The following UNC5D variants were observed in gnomAD, a reference collection of about 807,000 sequenced individuals.
UNC5D encodes unc-5 netrin receptor D.
UNC5D carries 39 observed loss-of-function variants against 105.4 expected under a neutral mutation model. The observed-to-expected ratio is 0.37, with a 90% CI of 0.29 to 0.48. The LOEUF (loss-of-function observed/expected upper bound fraction) is 0.48. Among genes scored for constraint, UNC5D ranks in the 20% least tolerant of loss-of-function variants. The pLI is 0.98. For synonymous variants in UNC5D, 452 were observed against 450.4 expected (o/e 1.00, Z -0.04); for missense variants, 991 against 1,202.4 (o/e 0.82, Z 2.60).
rs142132958 is a variant in UNC5D at position 35,591,738 on chromosome 8, T to C, written c.467-3816T>C. Reference sequence around the variant, plus strand: ...ACCTGCCCTGTATCAGATATTACAATAGGCACTGGGAATAGAGGAGTGAAA... The same window carrying C: ...ACCTGCCCTGTATCAGATATTACAACAGGCACTGGGAATAGAGGAGTGAAA... On this transcript the variant is annotated intron_variant, in intron 3 of 16. Coordinates refer to ENST00000404895, the MANE Select transcript of UNC5D (RefSeq NM_080872.4). Among the ~76,000 whole-genome samples, 571 of 152,260 alleles carry C rather than the reference T, an allele frequency of 3.8e-3. 4 individuals are homozygous for C. Among genetic ancestry groups the C allele is most frequent in the African/African-American group, 0.012 (484 of 41,558 alleles).
rs191685865 is a variant in UNC5D, at chr8:35,309,338, G to T, written c.103+73451G>T. On this transcript the variant is annotated intron_variant, in intron 1 of 16. Transcript: ENST00000404895. ...TTGCAGGTGCAACACTGAGGTACAGGAGAGTTAAGCCCCGCATTAGTTGCC... is the reference window on the plus strand; with the variant it reads ...TTGCAGGTGCAACACTGAGGTACAGTAGAGTTAAGCCCCGCATTAGTTGCC... 2.6e-5 allele frequency among the ~76,000 whole-genome samples: 4 copies of T among 152,240 alleles called. No homozygotes were observed. The East Asian group carries it at 7.7e-4, about 29-fold the overall frequency.
At chr8:35,440,297 A>T (rs1406526351) in intron 1 of UNC5D, among the ~76,000 whole-genome samples, 1 of 151,938 alleles carries the variant, frequency 6.6e-6, no homozygotes, top group Non-Finnish European at 1.5e-5. Flanking sequence ...TATCATGGGG[A>T]CACATCACAG....
At chr8:35,480,829 T>C (rs2129970865) in intron 1 of UNC5D, among the ~76,000 whole-genome samples, 1 of 152,312 alleles carries the variant, frequency 6.6e-6, no homozygotes, top group East Asian at 1.9e-4. Flanking sequence ...TTGGTCTGAT[T>C]ACCACAATGA....
At chr8:35,374,526 G>A (rs1802588713) in intron 1 of UNC5D, among the ~76,000 whole-genome samples, 1 of 152,204 alleles carries the variant, frequency 6.6e-6, no homozygotes, top group South Asian at 2.1e-4. Flanking sequence ...TCACAGGAAT[G>A]AGACTAGACC....
intron 4 of UNC5D, among the ~76,000 whole-genome samples, chr8:35,670,841 C>A (rs1221667392): frequency 6.6e-6 from 1 of 152,084 alleles, no homozygotes; most frequent in African/African-American, 2.4e-5. Flanking sequence ...CAAAGCTGCA[C>A]ATTCTGCACA....
chr8:35,391,504 C>T (rs993711251), intron 1 of UNC5D, among the ~76,000 whole-genome samples: 1 of 152,146 alleles, frequency 6.6e-6, no homozygotes, highest in African/African-American at 2.4e-5. Flanking sequence ...GTAGTCTATT[C>T]TGGGTCCATG....
chr8:35,351,303 A>T (rs926226951), intron 1 of UNC5D, among the ~76,000 whole-genome samples: 3 of 152,010 alleles, frequency 2.0e-5, no homozygotes, highest in African/African-American at 7.2e-5. Context: ...GACCTTTAAA[A>T]CTATTATGTA....
chr8:35,261,368 A>G (rs183376261), intron 1 of UNC5D, among the ~76,000 whole-genome samples: 1 of 152,380 alleles, frequency 6.6e-6, no homozygotes, highest in East Asian at 1.9e-4. Flanking sequence ...CCACACAAGC[A>G]TACTAATAAA....
In UNC5D at chr8:35,788,863, T is replaced by C. The variant is rs570918552; in HGVS notation, c.2658-1496T>C. 3.2e-4 allele frequency among the ~76,000 whole-genome samples: 49 copies of C among 151,974 alleles called. 2 individuals carry two copies. The South Asian group carries it at 1.0e-2, about 31-fold the overall frequency. On this transcript the variant is annotated intron_variant, in intron 16 of 16. Coordinates refer to ENST00000404895, the MANE Select transcript of UNC5D (RefSeq NM_080872.4). ...CAAACACCACTGGGATTTCGAACCA[T>C]TGAGACACACACAAAAAACTGAACC...
intron 1 of UNC5D, among the ~76,000 whole-genome samples, chr8:35,547,068 T>A (rs1461166967): frequency 6.8e-6 from 1 of 147,502 alleles, no homozygotes; most frequent in African/African-American, 2.5e-5. Context: ...ATGTATTTAA[T>A]GGGAAAAAAA....
At chr8:35,576,286 A>T (rs1818082488) in intron 3 of UNC5D, among the ~76,000 whole-genome samples, 1 of 152,218 alleles carries the variant, frequency 6.6e-6, no homozygotes, top group Non-Finnish European at 1.5e-5. Flanking sequence ...ATCATTTCAA[A>T]TATGCAGTTG....
intron 2 of UNC5D, among the ~76,000 whole-genome samples, chr8:35,565,053 A>G (rs766762178): frequency 2.6e-4 from 39 of 152,198 alleles, no homozygotes; most frequent in Non-Finnish European, 5.3e-4. Flanking sequence ...CAATAAACAT[A>G]CAAATTCAGG....
At chr8:35,698,878 G>C (rs1826980353) in intron 7 of UNC5D, among the ~76,000 whole-genome samples, 1 of 152,042 alleles carries the variant, frequency 6.6e-6, no homozygotes, top group South Asian at 2.1e-4. Flanking sequence ...TGGACTTTTT[G>C]TTCCATTTTG....
At chr8:35,434,142 A>C (rs1806841023) in intron 1 of UNC5D, among the ~76,000 whole-genome samples, 1 of 152,102 alleles carries the variant, frequency 6.6e-6, no homozygotes, top group Non-Finnish European at 1.5e-5. Context: ...TTTAAGCTTA[A>C]TTGAAAAACC....
intron 1 of UNC5D, among the ~76,000 whole-genome samples, chr8:35,432,703 CATCTT>C (rs1280870417): frequency 6.6e-6 from 1 of 152,066 alleles, no homozygotes; most frequent in Non-Finnish European, 1.5e-5. Flanking sequence ...AATAATAAAC[CATCTT>C]ATCTTACTTG....
intron 4 of UNC5D, among the ~76,000 whole-genome samples, chr8:35,620,483 T>C (rs1297638711): frequency 6.6e-6 from 1 of 152,142 alleles, no homozygotes; most frequent in East Asian, 1.9e-4. Context: ...CTGCGACTCA[T>C]CATGTGAAGT....
intron 6 of UNC5D, among the ~76,000 whole-genome samples, chr8:35,685,827 ATTC>A (rs1462509995): frequency 3.3e-5 from 5 of 152,088 alleles, no homozygotes; most frequent in African/African-American, 1.2e-4. Flanking sequence ...ATAGTACCCT[ATTC>A]TTGATTAATT....
At chr8:35,557,795 T>A (rs545963913) in intron 2 of UNC5D, among the ~76,000 whole-genome samples, 3 of 152,136 alleles carry the variant, frequency 2.0e-5, no homozygotes, top group African/African-American at 7.2e-5. Flanking sequence ...TCTGGTGTCA[T>A]GGCTGTTGTC....
At chr8:35,756,579 A>G (rs1161568270) in intron 13 of UNC5D, among the ~76,000 whole-genome samples, 2 of 150,792 alleles carry the variant, frequency 1.3e-5, no homozygotes, top group African/African-American at 2.5e-5. Context: ...AAAAAAAGAA[A>G]GTCAAGCATA....
Sources: gnomAD v4.1 joint callset for allele counts (sites outside exome capture counted in the v4.1 genomes callset) on GRCh38, gnomAD v4.1.1 for gene constraint, MANE v1.5 for transcripts, NCBI Gene and HGNC (gene_info 2026-07-23, HGNC 2026-07-21) for gene names.